Variants in GMDS observed in about 807,000 individuals in gnomAD.
GMDS encodes the protein GDP-mannose 4,6-dehydratase, also known as GDP-mannose 4,6 dehydratase.
Under a neutral mutation model 49.9 loss-of-function variants are expected in GMDS, and 20 were observed. The ratio of observed to expected loss-of-function variants is 0.40; its 90% CI spans 0.28 to 0.58. The LOEUF is 0.58. Among genes scored for constraint, GMDS ranks in the 20% least tolerant of loss-of-function variants. The probability of loss-of-function intolerance (pLI) is 0.42; values close to 1 mark genes in which losing one functional copy is unlikely to be tolerated. For missense variants in GMDS, 362 were observed against 481.4 expected (o/e 0.75, Z 2.32); for synonymous variants, 177 against 178.6 (o/e 0.99, Z 0.07).
intron 9 of GMDS, among the ~76,000 whole-genome samples, chr6:1,646,942 G>C (rs186586954): frequency 1.3e-5 from 2 of 152,328 alleles, no homozygotes; most frequent in African/African-American, 4.8e-5. Context: ...GGCTCACTCA[G>C]TCTCTTACAA....
intron 9 of GMDS, among the ~76,000 whole-genome samples, chr6:1,702,703 A>G (rs1417992080): frequency 1.3e-5 from 2 of 152,190 alleles, no homozygotes; most frequent in Non-Finnish European, 2.9e-5. Context: ...CTTCAGCAGG[A>G]AAGTTTCTGC....
chr6:1,861,295 G>C (rs1010882051), intron 7 of GMDS, among the ~76,000 whole-genome samples: 10 of 152,266 alleles, frequency 6.6e-5, no homozygotes, highest in African/African-American at 2.4e-4. Context: ...GTATAAAATG[G>C]GAAGAGATGA....
chr6:1,749,727 GT>G (rs1292896335), intron 7 of GMDS, among the ~76,000 whole-genome samples: 7 of 152,174 alleles, frequency 4.6e-5, no homozygotes, highest in Admixed American at 1.3e-4. Flanking sequence ...TATTTTATGG[GT>G]TTTTTAGGAC....
intron 7 of GMDS, among the ~76,000 whole-genome samples, chr6:1,803,588 A>T (rs1397345636): frequency 6.6e-6 from 1 of 151,896 alleles, no homozygotes; most frequent in Non-Finnish European, 1.5e-5. Flanking sequence ...AAATAAATAA[A>T]TAAATAAATA....
intron 1 of GMDS, among the ~76,000 whole-genome samples, chr6:2,155,710 TG>T (rs1219882727): frequency 6.6e-6 from 1 of 152,168 alleles, no homozygotes; most frequent in African/African-American, 2.4e-5. Flanking sequence ...AGAAAAATGA[TG>T]TGTAAGAAGA....
chr6:1,742,847 T>C (rs555547696), intron 7 of GMDS, among the ~76,000 whole-genome samples: 1 of 152,320 alleles, frequency 6.6e-6, no homozygotes, highest in East Asian at 1.9e-4. Flanking sequence ...AGAATATTTA[T>C]CCTTAACATC....
At chr6:2,202,500 C>T (rs1779596166) in intron 1 of GMDS, among the ~76,000 whole-genome samples, 1 of 151,274 alleles carries the variant, frequency 6.6e-6, no homozygotes, top group Non-Finnish European at 1.5e-5. Flanking sequence ...CTGGTTTCAA[C>T]TCAAATGCTT....
At chr6:2,062,900 A>T (rs1323984857) in intron 4 of GMDS, among the ~76,000 whole-genome samples, 1 of 152,256 alleles carries the variant, frequency 6.6e-6, no homozygotes, top group Non-Finnish European at 1.5e-5. Context: ...TGAAGCTAGT[A>T]ACAGCTCTTT....
intron 8 of GMDS, among the ~76,000 whole-genome samples, chr6:1,739,201 T>C (rs937784491): frequency 1.3e-5 from 2 of 152,120 alleles, no homozygotes; most frequent in African/African-American, 4.8e-5. Context: ...AAGAGGAGCG[T>C]CTTGGGTCAC....
intron 1 of GMDS, among the ~76,000 whole-genome samples, chr6:2,159,328 G>A (rs1466196243): frequency 4.0e-5 from 6 of 151,800 alleles, no homozygotes; most frequent in African/African-American, 1.2e-4. Flanking sequence ...CACATGATCC[G>A]CCCACCTCAG....
At chr6:2,177,075 A>G (rs1778316886) in intron 1 of GMDS, among the ~76,000 whole-genome samples, 2 of 152,160 alleles carry the variant, frequency 1.3e-5, no homozygotes, top group Non-Finnish European at 1.5e-5. Context: ...TGGTACCAAG[A>G]ACGCAGTTGG....
chr6:2,232,381 T>G (rs1011961496), intron 1 of GMDS, among the ~76,000 whole-genome samples: 1 of 152,210 alleles, frequency 6.6e-6, no homozygotes, highest in African/African-American at 2.4e-5. Flanking sequence ...ATGCCCCTTT[T>G]GAAACATCAA....
At position 2,131,282 on chromosome 6, in the gene GMDS, T is replaced by C. The variant is rs1465734144; in HGVS notation, c.103-6551A>G. On this transcript the variant is annotated intron_variant, in intron 1 of 10. Transcript: ENST00000380815. The stretch of plus-strand genomic sequence containing the variant: ...ATTTAGGCAAACTCTATAAGAAAAA[T>C]GAGACTAAAGGGTTTAAAACAAGCA... 3.3e-5 allele frequency among the ~76,000 whole-genome samples: 5 copies of C among 151,996 alleles called. No homozygotes were observed. The East Asian group carries it at 9.6e-4, about 29-fold the overall frequency.
chr6:1,785,363 A>C (rs953501656), intron 7 of GMDS, among the ~76,000 whole-genome samples: 6 of 152,220 alleles, frequency 3.9e-5, no homozygotes, highest in Non-Finnish European at 8.8e-5. Flanking sequence ...TTGCCTTAAA[A>C]CTTGGTAGCT....
chr6:2,114,015 G>C lies in GMDS; in HGVS notation c.345+1756C>G, dbSNP rs533030261. On this transcript the variant is annotated intron_variant, in intron 4 of 10. Transcript: ENST00000380815. The stretch of plus-strand genomic sequence containing the variant: ...TATTACTTACAGTACAACCACACCA[G>C]AACGATAACAAAACACTATCATGAT... 4.6e-5 allele frequency among the ~76,000 whole-genome samples: 7 copies of C among 152,192 alleles called. No homozygotes were observed. In the South Asian group the frequency reaches 1.5e-3, roughly 32 times the overall value.
chr6:1,807,424 C>T (rs226462), intron 7 of GMDS, among the ~76,000 whole-genome samples: 76,197 of 151,978 alleles, frequency 0.5, 20,546 homozygotes, highest in African/African-American at 0.72. Flanking sequence ...CATGCTTAAG[C>T]TGACGGATTG....
At chr6:2,085,196 TC>T in intron 4 of GMDS, among the ~76,000 whole-genome samples, 1 of 152,208 alleles carries the variant, frequency 6.6e-6, no homozygotes, top group Non-Finnish European at 1.5e-5. Context: ...AGCTTAGAAA[TC>T]TTTAAGGCAA....
rs187824966 is a variant in GMDS at position 2,003,580 on chromosome 6, A to G, written c.346-42614T>C. ...TTCCAAAGGGATTACCTAGAGTAAGACTTGCTACGACTGAAGAGCTGCACA... is the reference window on the plus strand; with the variant it reads ...TTCCAAAGGGATTACCTAGAGTAAGGCTTGCTACGACTGAAGAGCTGCACA... On this transcript the variant is annotated intron_variant, in intron 4 of 10. Transcript: ENST00000380815. Among the ~76,000 whole-genome samples, 333 of 152,306 alleles carry G rather than the reference A, an allele frequency of 2.2e-3. 1 individual carries two copies. Among genetic ancestry groups the G allele is most frequent in the Non-Finnish European group, 3.3e-3 (225 of 68,016 alleles).
At chr6:1,924,933 G>A (rs554241725) in intron 7 of GMDS, among the ~76,000 whole-genome samples, 8 of 147,296 alleles carry the variant, frequency 5.4e-5, no homozygotes, top group South Asian at 4.4e-4. Context: ...ACTCCAGCCC[G>A]GGCGACGGCG....
Sources: gnomAD v4.1 joint callset for allele counts (sites outside exome capture counted in the v4.1 genomes callset) on GRCh38, gnomAD v4.1.1 for gene constraint, MANE v1.5 for transcripts, NCBI Gene and HGNC (gene_info 2026-07-23, HGNC 2026-07-21) for gene names.